ZFHX4: variants seen among roughly 807,000 people sequenced by gnomAD.
ZFHX4 encodes zinc finger homeobox protein 4.
In ZFHX4, 56 loss-of-function variants were observed where a neutral mutation model predicts 267.6. The ratio of observed to expected loss-of-function variants is 0.21; its 90% CI spans 0.17 to 0.26. ZFHX4 has a LOEUF of 0.26. Among genes scored for constraint, ZFHX4 ranks in the 10% least tolerant of loss-of-function variants. The pLI, the probability that ZFHX4 is intolerant of heterozygous loss-of-function variation, is 1.00. For missense variants in ZFHX4, 4,332 were observed against 4,420.0 expected (o/e 0.98, Z 0.56); for synonymous variants, 1,778 against 1,665.6 (o/e 1.07, Z -1.64).
chr8:76,783,308 G>A (rs7007681), intron 4 of ZFHX4, among the ~76,000 whole-genome samples: 41,625 of 151,882 alleles, frequency 0.27, 7,691 homozygotes, highest in African/African-American at 0.51. Flanking sequence ...TTGACGTGTT[G>A]TTGCATGATG....
At chr8:76,801,892 C>T (rs970155699) in intron 4 of ZFHX4, among the ~76,000 whole-genome samples, 2 of 152,080 alleles carry the variant, frequency 1.3e-5, no homozygotes, top group Non-Finnish European at 2.9e-5. Context: ...TATAGCTGGA[C>T]CATCATACTC....
chr8:76,789,105 T>C (rs1044969851), intron 4 of ZFHX4, among the ~76,000 whole-genome samples: 2 of 152,200 alleles, frequency 1.3e-5, no homozygotes, highest in Non-Finnish European at 2.9e-5. Context: ...TGTTGGCTCA[T>C]GTAAGACTAA....
chr8:76,793,633 G>A (rs1244744494), intron 4 of ZFHX4, among the ~76,000 whole-genome samples: 1 of 152,170 alleles, frequency 6.6e-6, no homozygotes, highest in Non-Finnish European at 1.5e-5. Context: ...AAGATCAGAA[G>A]CCATAAAACA....
At chr8:76,754,417 A>G (rs962348423) in intron 3 of ZFHX4, among the ~76,000 whole-genome samples, 1 of 152,056 alleles carries the variant, frequency 6.6e-6, no homozygotes, top group Non-Finnish European at 1.5e-5. Flanking sequence ...TGAGACCAAG[A>G]GGTGGTGGTT....
intron 4 of ZFHX4, among the ~76,000 whole-genome samples, chr8:76,832,578 A>G (rs1044896814): frequency 2.0e-5 from 3 of 152,164 alleles, no homozygotes; most frequent in Non-Finnish European, 4.4e-5. Context: ...GACAGAGGGA[A>G]TAGAGAGCAC....
At chr8:76,858,466 A>C (rs531488251) in intron 10 of ZFHX4, among the ~76,000 whole-genome samples, 83 of 152,332 alleles carry the variant, frequency 5.4e-4, no homozygotes, top group African/African-American at 1.9e-3. Flanking sequence ...GAAAAGCTCC[A>C]TGAACATTGC....
chr8:76,687,114 G>A (rs1807711495), intron 1 of ZFHX4, among the ~76,000 whole-genome samples: 1 of 152,162 alleles, frequency 6.6e-6, no homozygotes, highest in South Asian at 2.1e-4. Context: ...GATCAGCTAG[G>A]CACAATTGCA....
In ZFHX4 at chr8:76,851,832, C is replaced by T; in HGVS notation, c.4911C>T (p.Ser1637=). 6.2e-7 allele frequency: 1 copy of T among 1,613,944 alleles called. No individual in the cohort carries two copies. Among genetic ancestry groups the T allele is most frequent in the Non-Finnish European group, 8.5e-7 (1 of 1,179,860 alleles). Residue 1637 remains serine (S), a synonymous_variant, in exon 10 of 11, where the codon AGC becomes AGT. Coordinates refer to ENST00000651372, the MANE Select transcript of ZFHX4 (RefSeq NM_024721.5). ...GTGGTCATGTGGCTGGTGGGCACAG[C>T]ATTGCAGCAAATGTCAACAGCCCTG... The part of the protein sequence containing the change: ...EPSGHVAGGH[S]IAANVNSPGQ...
At chr8:76,720,553 C>T (rs1360067986) in intron 3 of ZFHX4, among the ~76,000 whole-genome samples, 1 of 152,136 alleles carries the variant, frequency 6.6e-6, no homozygotes, top group Non-Finnish European at 1.5e-5. Flanking sequence ...GCTGGATTGA[C>T]AGTCAATAAT....
At chr8:76,798,195 C>T (rs1811031840) in intron 4 of ZFHX4, among the ~76,000 whole-genome samples, 1 of 152,072 alleles carries the variant, frequency 6.6e-6, no homozygotes, top group African/African-American at 2.4e-5. Flanking sequence ...AGTAATTATC[C>T]TAGTCCATAC....
chr8:76,752,061 C>G (rs895843242), intron 3 of ZFHX4, among the ~76,000 whole-genome samples: 1 of 151,916 alleles, frequency 6.6e-6, no homozygotes, highest in Non-Finnish European at 1.5e-5. Context: ...TGAGGATGAA[C>G]CTAACAGTGA....
In ZFHX4 at chr8:76,852,097, C is replaced by A. The variant is rs371535436; in HGVS notation, c.5176C>A (p.Pro1726Thr). The change falls in exon 10 of 11, where the codon CCA becomes ACA. Residue 1726 changes from proline to threonine, a missense_variant. This residue lies in a region of ZFHX4 where 1,371 missense variants were observed against 1,423.1 expected (regional missense o/e 0.96). Transcript: ENST00000651372. ...PAFLPHFPMT[P>T]EALLQFQQPQ... ...CTTTTTGCCTCATTTTCCTATGACC[C>A]CAGAAGCACTGCTGCAGTTTCAGCA... 46 of 1,613,950 alleles carry A rather than the reference C, an allele frequency of 2.9e-5. No individual in the cohort carries two copies. The African/African-American group carries it at 5.6e-4, about 20-fold the overall frequency.
At chr8:76,781,246 A>G (rs1810537598) in intron 4 of ZFHX4, among the ~76,000 whole-genome samples, 1 of 152,046 alleles carries the variant, frequency 6.6e-6, no homozygotes, top group African/African-American at 2.4e-5. Flanking sequence ...CTCCAACTTT[A>G]TTTTAAAAGT....
Position 76,863,963 on chromosome 8 carries a change from G to A in ZFHX4, c.10249G>A (p.Ala3417Thr), listed in dbSNP as rs376071984. The change falls in exon 11 of 11, where the codon GCC becomes ACC. Residue 3417 changes from alanine (A) to threonine (T), a missense_variant. Physicochemically the swap from Ala to Thr is moderately conservative, Grantham distance 58. Coordinates refer to ENST00000651372, the MANE Select transcript of ZFHX4 (RefSeq NM_024721.5). Reference sequence around the variant, plus strand: ...CCAGATGATGTTTACTGATGAAGACGCCGCAGTAAATCATCAAAAGTCCTT... The same window carrying A: ...CCAGATGATGTTTACTGATGAAGACACCGCAGTAAATCATCAAAAGTCCTT... The part of the protein sequence containing the change: ...KCQMMFTDED[A>T]AVNHQKSFCY... The A allele has an allele frequency of 3.3e-5, 53 of 1,611,250 alleles. No individual in the cohort carries two copies. In the African/African-American group the frequency reaches 5.3e-4, roughly 16 times the overall value.
At chr8:76,819,792 A>G (rs1811600837) in intron 4 of ZFHX4, among the ~76,000 whole-genome samples, 1 of 152,198 alleles carries the variant, frequency 6.6e-6, no homozygotes. Context: ...AATTTTGTGG[A>G]TATATATAAG....
rs1019303521 is a variant in ZFHX4, at chr8:76,720,420, G to T, written c.3093+12372G>T. Among the ~76,000 whole-genome samples, 3 of 152,052 alleles carry T rather than the reference G, an allele frequency of 2.0e-5. No individual in the cohort carries two copies. The East Asian group carries it at 5.8e-4, about 29-fold the overall frequency. Reference sequence around the variant, plus strand: ...TTTATTTATACCCCATTAATTGCTGGACATTTGGGTCGTTTCCACTTGTTG... The same window carrying T: ...TTTATTTATACCCCATTAATTGCTGTACATTTGGGTCGTTTCCACTTGTTG... On this transcript the variant is annotated intron_variant, in intron 3 of 10. Transcript: ENST00000651372.
intron 1 of ZFHX4, among the ~76,000 whole-genome samples, chr8:76,699,580 A>C (rs551501697): frequency 1.0e-3 from 156 of 152,094 alleles, no homozygotes; most frequent in South Asian, 7.7e-3. Context: ...ACTGAGAAAC[A>C]GGCAATTCCC....
At chr8:76,684,616 A>C (rs1028517845) in intron 1 of ZFHX4, among the ~76,000 whole-genome samples, 5 of 152,262 alleles carry the variant, frequency 3.3e-5, no homozygotes, top group African/African-American at 1.2e-4. Flanking sequence ...AAGAAAGGTC[A>C]GGTAAACCAG....
chr8:76,771,642 C>G (rs1466945802), intron 3 of ZFHX4, among the ~76,000 whole-genome samples: 1 of 151,952 alleles, frequency 6.6e-6, no homozygotes. Context: ...TTCTCACTTT[C>G]TTGTCCAGGC....
Sources: allele counts gnomAD v4.1 joint callset (sites outside exome capture counted in the v4.1 genomes callset), GRCh38; gene constraint gnomAD v4.1.1; regional missense constraint gnomAD v4.1.1; transcripts MANE v1.5; gene names NCBI Gene and HGNC (gene_info 2026-07-23, HGNC 2026-07-21).